The following TTN variants were observed in gnomAD, a reference collection of about 807,000 sequenced individuals.
TTN encodes titin, also known as connectin.
Under a neutral mutation model 3,223.0 loss-of-function variants are expected in TTN, and 1,525 were observed. The observed-to-expected ratio is 0.47, with a 90% CI of 0.45 to 0.49. The LOEUF is 0.49. Among genes scored for constraint, TTN ranks in the 20% least tolerant of loss-of-function variants. The pLI is 0.00. For missense variants in TTN, 40,786 were observed against 43,424.0 expected (o/e 0.94, Z 5.40); for synonymous variants, 14,094 against 15,161.0 (o/e 0.93, Z 5.17).
chr2:178,527,824 A>G, intron 361 of TTN, 76 bp from the exon 362 acceptor site: 1 of 1,390,956 alleles, frequency 7.2e-7, no homozygotes, highest in Non-Finnish European at 9.6e-7. Flanking sequence ...TGACTTACAG[A>G]AATGGAAACT....
chr2:178,799,982 T>A, intron 4 of TTN, 72 bp from the exon 5 acceptor site: 1 of 1,521,436 alleles, frequency 6.6e-7, no homozygotes. Context: ...CTGTTAATTC[T>A]GACTACAAAG....
intron 88 of TTN, among the ~76,000 whole-genome samples, chr2:178,716,495 C>T (rs962436482): frequency 1.3e-5 from 2 of 152,288 alleles, no homozygotes; most frequent in Middle Eastern, 3.4e-3. Flanking sequence ...ACTAGACTAG[C>T]AGTCCATTGA....
Position 178,731,520 on chromosome 2 carries a change from A to C in TTN, c.17246T>G (p.Phe5749Cys). 6.2e-7 allele frequency: 1 copy of C among 1,613,346 alleles called. No homozygotes were observed. Among genetic ancestry groups the C allele is most frequent in the Non-Finnish European group, 8.5e-7 (1 of 1,179,574 alleles). ...CAAGGAGCCCTTCAGAGTGGCCTGG[A>C]AGGCAGCTGTGCCTCCCCGGAGGGA... ...TSSLRGGTAA[F>C]QATLKGSLPI... Residue 5749 changes from phenylalanine to cysteine, a missense_variant, in exon 59 of 363, where the codon TTC (phenylalanine) becomes TGC (cysteine). Phe to Cys is a radical substitution (Grantham distance 205, BLOSUM62 -2). Transcript: ENST00000589042.
chr2:178,680,364 T>C (rs965425543), intron 138 of TTN, 33 bp from the exon 139 acceptor site: 6 of 1,584,062 alleles, frequency 3.8e-6, no homozygotes, highest in Non-Finnish European at 5.2e-6. Flanking sequence ...AATTTTATTG[T>C]CAGTAAAAGG....
In TTN at chr2:178,645,944, TC is replaced by T; in HGVS notation, c.40383del (p.Lys13462ArgfsTer30). The T allele has an allele frequency of 6.3e-7, 1 of 1,586,028 alleles. No homozygotes were observed. Among genetic ancestry groups the T allele is most frequent in the Non-Finnish European group, 8.6e-7 (1 of 1,167,848 alleles). ...PPPPAPPKED[V>X]KEKIFQLKAI... ...CCTTTAAGTTGGAATATTTTCTCCT[TC>T]ACATCTTCCTTAGGTGGAGCAGGTG... On this transcript the variant is annotated frameshift_variant, in exon 217 of 363. Transcript: ENST00000589042. LOFTEE classifies it high-confidence loss of function.
chr2:178,553,520 G>T lies in TTN; in HGVS notation c.89485C>A (p.Gln29829Lys), dbSNP rs1700185971. 1.2e-6 allele frequency: 2 copies of T among 1,612,460 alleles called. No homozygotes were observed. Among genetic ancestry groups the T allele is most frequent in the Admixed American group, 1.7e-5 (1 of 59,900 alleles). ...GEPIEMNEPVQAKDILEAPEI... is the reference protein window; with the variant it reads ...GEPIEMNEPVKAKDILEAPEI... Reference sequence around the variant, plus strand: ...TACATACCAAGTATATCTTTAGCTTGTACAGGTTCATTCATTTCTATAGGT... The same window carrying T: ...TACATACCAAGTATATCTTTAGCTTTTACAGGTTCATTCATTTCTATAGGT... The change falls in exon 334 of 363, where the codon CAA becomes AAA. Residue 29829 changes from glutamine to lysine, a missense_variant. Gln to Lys is a moderately conservative substitution (Grantham distance 53). Transcript: ENST00000589042.
chr2:178,559,543 C>T lies in TTN; in HGVS notation c.86589G>A (p.Val28863=), dbSNP rs746386371. The change falls in exon 326 of 363, where the codon GTG becomes GTA. Residue 28863 remains valine, a synonymous_variant. Transcript: ENST00000589042. The part of the protein sequence containing the change: ...TVQDVTKESA[V]LSWDVPENDG... ...CGTTTTCAGGAACATCCCAGGATAACACTGCAGACTCTTTGGTTACATCTT... is the reference window on the plus strand; with the variant it reads ...CGTTTTCAGGAACATCCCAGGATAATACTGCAGACTCTTTGGTTACATCTT... The T allele has an allele frequency of 4.3e-6, 7 of 1,613,738 alleles. No homozygotes were observed. In the African/African-American group the frequency reaches 6.7e-5, roughly 15 times the overall value.
intron 243 of TTN, 77 bp from the exon 244 acceptor site, chr2:178,622,085 T>G: frequency 7.3e-7 from 1 of 1,369,030 alleles, no homozygotes; most frequent in Non-Finnish European, 9.8e-7. Context: ...ACTATGATCC[T>G]GAGTTTTTCT....
rs565546452 is a variant in TTN at position 178,741,242 on chromosome 2, A to G, written c.11991T>C (p.Ile3997=). 1.9e-4 allele frequency: 299 copies of G among 1,613,674 alleles called. No individual in the cohort carries two copies. The South Asian group carries it at 2.6e-3, about 14-fold the overall frequency. Reference sequence around the variant, plus strand: ...TGTCTTCCCTCTGAGGGTCATTGACAATGAAAGTTCCAGAGCCATTAGGGT... The same window carrying G: ...TGTCTTCCCTCTGAGGGTCATTGACGATGAAAGTTCCAGAGCCATTAGGGT... The part of the protein sequence containing the change: ...IHNPNGSGTF[I]VNDPQREDSG... The change falls in exon 48 of 363, where the codon ATT becomes ATC. Residue 3997 remains isoleucine, a synonymous_variant. Transcript: ENST00000589042.
rs397517532 is a variant in TTN at position 178,702,075 on chromosome 2, T to TAA, written c.30512-11_30512-10dup. The TAA allele has an allele frequency of 2.1e-4, 311 of 1,491,672 alleles. 1 individual carries two copies. Among genetic ancestry groups the TAA allele is most frequent in the South Asian group, 1.5e-3 (128 of 82,986 alleles). 92.4% of individuals were successfully genotyped at this position (1,491,672 alleles called of 1,614,324 possible). ...CAGCTCAAGTTTGATTTCTGCAAAA[T>TAA]AAAAAAAAAATGATATTTTTGTGTT... On this transcript the variant is annotated splice_polypyrimidine_tract_variant and intron_variant, in intron 108 of 362. Coordinates refer to ENST00000589042, the MANE Select transcript of TTN (RefSeq NM_001267550.2).
chr2:178,602,724 G>A (rs72646818), intron 282 of TTN, 134 bp from the exon 283 acceptor site: 1 of 693,822 alleles, frequency 1.4e-6, no homozygotes, highest in Non-Finnish European at 2.1e-6. Context: ...AGGAAATACA[G>A]TTGCCTTCTA....
chr2:178,534,699 G>A lies in TTN; in HGVS notation c.101916C>T (p.Phe33972=), dbSNP rs1417727276. Residue 33972 remains phenylalanine (F), a synonymous_variant, in exon 358 of 363, where the codon TTC becomes TTT. Coordinates refer to ENST00000589042, the MANE Select transcript of TTN (RefSeq NM_001267550.2). ...ATTCTGGGGCAGTGAATAGAAGCCTGAAGTTGTCCCCTGGTTTCAGCTGAC... is the reference window on the plus strand; with the variant it reads ...ATTCTGGGGCAGTGAATAGAAGCCTAAAGTTGTCCCCTGGTTTCAGCTGAC... ...QARQLKPGDN[F]RLLFTAPEYY... 2 of 1,613,690 alleles carry A rather than the reference G, an allele frequency of 1.2e-6. No individual in the cohort carries two copies. The highest frequency in any genetic ancestry group is 1.7e-6 in the Non-Finnish European group (2 of 1,179,790).
chr2:178,549,113 A>G lies in TTN; in HGVS notation c.92513T>C (p.Val30838Ala). 1 of 1,613,818 alleles carries G rather than the reference A, an allele frequency of 6.2e-7. No individual in the cohort carries two copies. Among genetic ancestry groups the G allele is most frequent in the Non-Finnish European group, 8.5e-7 (1 of 1,179,776 alleles). The change falls in exon 339 of 363, where the codon GTG becomes GCG. Residue 30838 changes from valine (V) to alanine (A), a missense_variant. By Grantham distance (64) the Val-to-Ala change is moderately conservative (BLOSUM62 0). Coordinates refer to ENST00000589042, the MANE Select transcript of TTN (RefSeq NM_001267550.2). ...VKVTDTSKTT[V>A]SLEWSKPVFD... ...CACTGGTTTGGACCATTCTAAGCTC[A>G]CAGTTGTCTTTGATGTGTCTGTTAC...
At chr2:178,602,968 A>G (rs567397251) in intron 282 of TTN, among the ~76,000 whole-genome samples, 14 of 152,146 alleles carry the variant, frequency 9.2e-5, no homozygotes, top group African/African-American at 3.4e-4. Context: ...TGAAAATTTA[A>G]AAAGGATTCC....
chr2:178,551,711 A>G lies in TTN; in HGVS notation c.91189T>C (p.Phe30397Leu). The G allele has an allele frequency of 6.2e-7, 1 of 1,613,618 alleles. No homozygotes were observed. The highest frequency in any genetic ancestry group is 1.1e-5 in the South Asian group (1 of 91,046). ...TGLVEGLDYQ[F>L]RVYAENSAGL... ...GCAGAATTTTCAGCATATACACGGA[A>G]TTGGTAATCCAGACCTTCTACCAGT... The change falls in exon 335 of 363, where the codon TTC becomes CTC. Residue 30397 changes from phenylalanine to leucine, a missense_variant. Physicochemically the swap from Phe to Leu is conservative, Grantham distance 22 (BLOSUM62 0). Transcript: ENST00000589042.
Position 178,678,809 on chromosome 2 carries a change from G to A in TTN, c.33764C>T (p.Pro11255Leu), listed in dbSNP as rs1478113261. Residue 11255 changes from proline to leucine, a missense_variant, in exon 143 of 363, where the codon CCT (proline) becomes CTT (leucine). Physicochemically the swap from Pro to Leu is moderately conservative, Grantham distance 98 (BLOSUM62 -3). Transcript: ENST00000589042. ...TACTGGTACTTTCTCCTCTGGCACA[G>A]GTTTCTTGGGCACTTCAGGAACTTC... The part of the protein sequence containing the change: ...PAKVPEVPKK[P>L]VPEEKVPVPV... The A allele has an allele frequency of 1.3e-6, 2 of 1,598,850 alleles. No homozygotes were observed. Among genetic ancestry groups the A allele is most frequent in the Non-Finnish European group, 8.5e-7 (1 of 1,174,856 alleles).
chr2:178,769,534 G>C, intron 37 of TTN, 145 bp downstream of exon 37: 1 of 558,514 alleles, frequency 1.8e-6, no homozygotes, highest in Non-Finnish European at 2.7e-6. Context: ...AAAGTGCTGG[G>C]ATTACAGGCT....
intron 47 of TTN, among the ~76,000 whole-genome samples, chr2:178,752,484 T>C (rs1268217949): frequency 6.6e-6 from 1 of 152,026 alleles, no homozygotes; most frequent in Non-Finnish European, 1.5e-5. Flanking sequence ...ACAAGAACTA[T>C]AACCATAAAT....
chr2:178,704,811 C>T, intron 104 of TTN, 34 bp from the exon 105 acceptor site: 3 of 1,607,020 alleles, frequency 1.9e-6, no homozygotes, highest in Non-Finnish European at 2.5e-6. Flanking sequence ...ACATTTGTTA[C>T]TCCTTCCCTT....
Sources: gnomAD v4.1 joint callset for allele counts (sites outside exome capture counted in the v4.1 genomes callset) on GRCh38, gnomAD v4.1.1 for gene constraint, MANE v1.5 for transcripts, NCBI Gene and HGNC (gene_info 2026-07-23, HGNC 2026-07-21) for gene names.